Variants in UBR4 observed in about 807,000 individuals in gnomAD.
UBR4 encodes the protein E3 ubiquitin-protein ligase UBR4.
In UBR4, 124 loss-of-function variants were observed where a neutral mutation model predicts 575.6. The ratio of observed to expected loss-of-function variants is 0.22; its 90% CI spans 0.19 to 0.25. The LOEUF (loss-of-function observed/expected upper bound fraction) is 0.25, where lower values mean the gene tolerates loss of function less well. Among genes scored for constraint, UBR4 ranks in the 10% least tolerant of loss-of-function variants. UBR4 has a pLI of 1.00. For synonymous variants in UBR4, 2,455 were observed against 2,473.7 expected (o/e 0.99, Z 0.22); for missense variants, 4,818 against 6,478.8 (o/e 0.74, Z 8.80).
At position 19,184,079 on chromosome 1, in the gene UBR4, A is replaced by T. The variant is rs760277046; in HGVS notation, c.2035T>A (p.Ser679Thr). Reference protein sequence around the residue: ...FIRNYLSVSLSEHHMATLASI... With the variant: ...FIRNYLSVSLTEHHMATLASI... ...GCTAGGGTGGCCATATGGTGTTCTG[A>T]AAGAGATACACTCAGATAGTTTCGG... The change falls in exon 16 of 106, where the codon TCA (serine) becomes ACA (threonine). Residue 679 changes from serine to threonine, a missense_variant. Physicochemically the swap from Ser to Thr is moderately conservative, Grantham distance 58. Coordinates refer to ENST00000375254, the MANE Select transcript of UBR4 (RefSeq NM_020765.3). The T allele has an allele frequency of 2.5e-6, 4 of 1,614,036 alleles. No individual in the cohort carries two copies. The highest frequency in any genetic ancestry group is 3.4e-6 in the Non-Finnish European group (4 of 1,180,032).
At chr1:19,172,787 G>T (rs1025193588) in intron 25 of UBR4, 77 bp downstream of exon 25, 56 of 1,445,832 alleles carry the variant, frequency 3.9e-5, no homozygotes, top group Non-Finnish European at 5.2e-5. Flanking sequence ...AGAGAAAAAT[G>T]TCAAATTCTG....
chr1:19,144,954 T>C, intron 53 of UBR4, 47 bp from the exon 54 acceptor site: 1 of 1,609,862 alleles, frequency 6.2e-7, no homozygotes, highest in Non-Finnish European at 8.5e-7. Context: ...GAAAAAACTC[T>C]AACTACTTGA....
At chr1:19,209,842 A>T (rs910618624) in intron 1 of UBR4, among the ~76,000 whole-genome samples, 2 of 152,200 alleles carry the variant, frequency 1.3e-5, no homozygotes, top group Non-Finnish European at 2.9e-5. Flanking sequence ...TCCCGCAGGG[A>T]GGCCGCTAAA....
At chr1:19,171,947 G>A (rs1364838257) in intron 25 of UBR4, among the ~76,000 whole-genome samples, 4 of 152,138 alleles carry the variant, frequency 2.6e-5, no homozygotes, top group Non-Finnish European at 5.9e-5. Context: ...GCTGCAAAGG[G>A]AACTAATTCT....
At chr1:19,129,154 C>T (rs1462428239) in intron 60 of UBR4, 80 bp from the exon 61 acceptor site, 13 of 1,193,870 alleles carry the variant, frequency 1.1e-5, no homozygotes, top group Non-Finnish European at 1.6e-5. Context: ...TCCCCAACCC[C>T]ACCCTGCTAC....
chr1:19,121,957 T>C lies in UBR4; in HGVS notation c.9872A>G (p.Gln3291Arg). 1 of 1,614,224 alleles carries C rather than the reference T, an allele frequency of 6.2e-7. No homozygotes were observed. Among genetic ancestry groups the C allele is most frequent in the Non-Finnish European group, 8.5e-7 (1 of 1,180,020 alleles). ...ACAGTCATCTTTGATGCAGAATTTC[T>C]GCCAGTTGATGGTTCGCTGGGCGGC... ...EIAAQRTINW[Q>R]KFCIKDDSVL... is the part of the protein sequence containing the mutation. Residue 3291 changes from glutamine (Q) to arginine (R), a missense_variant, in exon 67 of 106, where the codon CAG (glutamine) becomes CGG (arginine). Gln to Arg is a conservative substitution (Grantham distance 43). Transcript: ENST00000375254.
rs145307465 is a variant in UBR4 at position 19,141,429 on chromosome 1, G to A, written c.8406C>T (p.Pro2802=). 5 of 1,614,184 alleles carry A rather than the reference G, an allele frequency of 3.1e-6. No homozygotes were observed. In the South Asian group the frequency reaches 3.3e-5, roughly 11 times the overall value. ...CTGCATCAGGTGGGATGTCCAGCAT[G>A]GGGGGGAAGCCCTCTGCGCCTGCCA... is the stretch of plus-strand genomic sequence containing the variant. ...ALLAGAEGFP[P]MLDIPPDADD... Residue 2802 remains proline, a synonymous_variant, in exon 57 of 106, where the codon CCC becomes CCT. Coordinates refer to ENST00000375254, the MANE Select transcript of UBR4 (RefSeq NM_020765.3).
At chr1:19,130,760 C>T (rs893298017) in intron 60 of UBR4, among the ~76,000 whole-genome samples, 5 of 152,102 alleles carry the variant, frequency 3.3e-5, no homozygotes, top group South Asian at 2.1e-4. Flanking sequence ...AAACATAAGA[C>T]GGCTTTGTTT....
chr1:19,076,891 G>A lies in UBR4; in HGVS notation c.15336C>T (p.Thr5112=). ...AGGACCAGCCTCCCTCTGTGTTACT[G>A]GTAGGCACCTTCTACGAGAATCAAC... is the stretch of plus-strand genomic sequence containing the variant. ...LIYNMFKKVP[T]SNTEGGWSCS... The change falls in exon 105 of 106, where the codon ACC becomes ACT. Residue 5112 remains threonine, a synonymous_variant. Transcript: ENST00000375254. 6.4e-7 allele frequency: 1 copy of A among 1,562,874 alleles called. No homozygotes were observed. Among genetic ancestry groups the A allele is most frequent in the Non-Finnish European group, 8.6e-7 (1 of 1,157,312 alleles).
chr1:19,150,499 G>A (rs978723757), intron 49 of UBR4, 78 bp downstream of exon 49: 3 of 1,473,890 alleles, frequency 2.0e-6, no homozygotes, highest in Admixed American at 3.6e-5. Flanking sequence ...TTAGAAGCTG[G>A]CTCTCTCAAG....
At chr1:19,126,747 C>A in intron 63 of UBR4, 92 bp from the exon 64 acceptor site, 1 of 1,331,140 alleles carries the variant, frequency 7.5e-7, no homozygotes, top group Non-Finnish European at 1.1e-6. Context: ...AACACACTCA[C>A]AACAGTCTTA....
rs1020014775 is a variant in UBR4 at position 19,160,898 on chromosome 1, G to C, written c.5406+19C>G. The C allele has an allele frequency of 1.2e-6, 2 of 1,611,688 alleles. No individual in the cohort carries two copies. Among genetic ancestry groups the C allele is most frequent in the Admixed American group, 3.3e-5 (2 of 59,968 alleles). On this transcript the variant is annotated intron_variant, in intron 38 of 105. Transcript: ENST00000375254. ...CTCTGAACTCTGTCTGCTTACTAGG[G>C]AGCATCAGTCAGCCCCACCTGGTTC...
chr1:19,179,582 G>GTTGTT (rs2090656594), intron 17 of UBR4, among the ~76,000 whole-genome samples: 2 of 152,202 alleles, frequency 1.3e-5, no homozygotes, highest in South Asian at 4.1e-4. Flanking sequence ...AACTGTAATA[G>GTTGTT]CTAATAGTTT....
chr1:19,178,936 C>T, intron 18 of UBR4, 115 bp downstream of exon 18: 1 of 1,333,106 alleles, frequency 7.5e-7, no homozygotes, highest in Non-Finnish European at 1.0e-6. Context: ...ACCCTCCCCA[C>T]TCTAAACATT....
At position 19,150,673 on chromosome 1, in the gene UBR4, A is replaced by T. The variant is rs766446755; in HGVS notation, c.7334T>A (p.Val2445Asp). ...CAGATTTGAAGGGCAGATGTTGCTG[A>T]CAGAGGCAGAAGGGAATTCTTCTGG... ...EPPEEFPSAS[V>D]SNICPSNLNQ... The change falls in exon 49 of 106, where the codon GTC becomes GAC. Residue 2445 changes from valine (V) to aspartate (D), a missense_variant. Val to Asp is a radical substitution (Grantham distance 152). Coordinates refer to ENST00000375254, the MANE Select transcript of UBR4 (RefSeq NM_020765.3). 12 of 1,614,162 alleles carry T rather than the reference A, an allele frequency of 7.4e-6. No individual in the cohort carries two copies. Among genetic ancestry groups the T allele is most frequent in the Non-Finnish European group, 1.0e-5 (12 of 1,180,024 alleles).
At position 19,155,142 on chromosome 1, in the gene UBR4, C is replaced by G. The variant is rs1267727813; in HGVS notation, c.6301-67G>C. ...CTTGGCTACCAACTTCCGGTTTATA[C>G]TGGTTATTATTTTCAATCATGATCA... On this transcript the variant is annotated intron_variant, in intron 43 of 105. Coordinates refer to ENST00000375254, the MANE Select transcript of UBR4 (RefSeq NM_020765.3). 3 of 1,594,140 alleles carry G rather than the reference C, an allele frequency of 1.9e-6. No homozygotes were observed. In the East Asian group the frequency reaches 6.7e-5, roughly 36 times the overall value.
Position 19,110,739 on chromosome 1 carries a change from C to T in UBR4, c.11892+3G>A. The T allele has an allele frequency of 6.2e-7, 1 of 1,614,046 alleles. No individual in the cohort carries two copies. The highest frequency in any genetic ancestry group is 8.5e-7 in the Non-Finnish European group (1 of 1,180,004). ...GACAGCTGGGCCTGCTAGGCCGGCTCACCAGATCGGGGTTGGCCCAGTGGC... is the reference window on the plus strand; with the variant it reads ...GACAGCTGGGCCTGCTAGGCCGGCTTACCAGATCGGGGTTGGCCCAGTGGC... On this transcript the variant is annotated splice_donor_region_variant and intron_variant, in intron 79 of 105. Coordinates refer to ENST00000375254, the MANE Select transcript of UBR4 (RefSeq NM_020765.3). This position sits in a 1 kb window ranked among gnomAD's most constrained non-coding sequence, Gnocchi z 4.5.
chr1:19,098,322 G>T (rs553658135), intron 90 of UBR4, among the ~76,000 whole-genome samples: 2 of 152,356 alleles, frequency 1.3e-5, no homozygotes, highest in African/African-American at 4.8e-5. Context: ...GCAAGGTAGA[G>T]AAGGGAAGCT....
chr1:19,179,701 C>T (rs930826644), intron 17 of UBR4, among the ~76,000 whole-genome samples: 3 of 146,898 alleles, frequency 2.0e-5, no homozygotes, highest in African/African-American at 8.2e-5. Context: ...GATCTCAAGG[C>T]ACCCAGAACT....
Sources: gnomAD v4.1 joint callset for allele counts (sites outside exome capture counted in the v4.1 genomes callset) on GRCh38, gnomAD v4.1.1 for gene constraint, Gnocchi (gnomAD v3.1) non-coding constraint, MANE v1.5 for transcripts, NCBI Gene and HGNC (gene_info 2026-07-23, HGNC 2026-07-21) for gene names.